MYO16: variants seen among roughly 807,000 people sequenced by gnomAD.
The protein encoded by MYO16 is unconventional myosin-XVI.
A neutral mutation model predicts 205.3 loss-of-function variants in MYO16; 94 were observed. The observed-to-expected ratio is 0.46, with a 90% CI of 0.39 to 0.54. The LOEUF is 0.54. Ranked by LOEUF, MYO16 falls within the 20% of genes least tolerant of loss-of-function variation. MYO16 has a pLI of 0.00. For missense variants in MYO16, 2,315 were observed against 2,387.5 expected, an observed-to-expected ratio of 0.97 and a Z score of 0.63; for synonymous variants, 988 against 954.0, an observed-to-expected ratio of 1.04 and a Z score of -0.66.
intron 8 of MYO16, among the ~76,000 whole-genome samples, chr13:108,822,716 G>A (rs965073315): frequency 2.6e-5 from 4 of 152,110 alleles, no homozygotes; most frequent in Non-Finnish European, 4.4e-5. Context: ...ATGTTTATAG[G>A]AGGCCAGTTA....
chr13:109,191,453 G>T (rs915669714), intron 34 of MYO16, among the ~76,000 whole-genome samples: 3 of 152,124 alleles, frequency 2.0e-5, no homozygotes, highest in South Asian at 4.1e-4. Flanking sequence ...GTTCAACAGG[G>T]TAAGCAGGGT....
chr13:109,170,399 A>C (rs1288519021), intron 33 of MYO16, among the ~76,000 whole-genome samples: 1 of 152,158 alleles, frequency 6.6e-6, no homozygotes, highest in African/African-American at 2.4e-5. Flanking sequence ...CGGAGAACGG[A>C]CTGCCACAAA....
In MYO16 at chr13:108,712,673, T is replaced by C; in HGVS notation, c.305T>C (p.Leu102Pro). ...CTGTTGTTTTCAGTGCTTCGGCTCC[T>C]GAAGGAGGGGGCAGACCCCCACACC... ...HHNDKEVLRLLKEGADPHTLV... is the reference protein window; with the variant it reads ...HHNDKEVLRLPKEGADPHTLV... Residue 102 changes from leucine to proline, a missense_variant, in exon 3 of 35, where the codon CTG (leucine) becomes CCG (proline). Transcript: ENST00000457511. 1.9e-6 allele frequency: 3 copies of C among 1,614,150 alleles called. No homozygotes were observed. Among genetic ancestry groups the C allele is most frequent in the Non-Finnish European group, 2.5e-6 (3 of 1,179,974 alleles).
intron 27 of MYO16, among the ~76,000 whole-genome samples, chr13:109,069,862 A>T (rs1305326692): frequency 6.6e-6 from 1 of 152,252 alleles, no homozygotes; most frequent in East Asian, 1.9e-4. Flanking sequence ...CATAACACTT[A>T]TCTCAATAGA....
chr13:108,548,419 G>A, the MYO16 span, among the ~76,000 whole-genome samples: 1 of 134,904 alleles, frequency 7.4e-6, no homozygotes, highest in Non-Finnish European at 1.7e-5. Flanking sequence ...GTGGTGAGGA[G>A]GATGATGATG....
chr13:108,844,303 A>G, intron 9 of MYO16, 40 bp from the exon 10 acceptor site: 1 of 1,556,922 alleles, frequency 6.4e-7, no homozygotes, highest in Non-Finnish European at 8.8e-7. Flanking sequence ...ATAAAACATT[A>G]GAAAGAGACT....
At chr13:109,149,068 T>C (rs928929534) in intron 32 of MYO16, among the ~76,000 whole-genome samples, 1 of 152,168 alleles carries the variant, frequency 6.6e-6, no homozygotes, top group Non-Finnish European at 1.5e-5. Context: ...CTTGTTAGCT[T>C]GATGACAAGG....
At chr13:108,711,529 C>T (rs933314016) in intron 2 of MYO16, among the ~76,000 whole-genome samples, 4 of 152,182 alleles carry the variant, frequency 2.6e-5, no homozygotes, top group South Asian at 2.1e-4. Context: ...AGGCCTGTCT[C>T]CCTCATCACA....
chr13:108,807,893 TA>T (rs1259925716), intron 7 of MYO16, among the ~76,000 whole-genome samples: 1 of 152,222 alleles, frequency 6.6e-6, no homozygotes, highest in Non-Finnish European at 1.5e-5. Flanking sequence ...AATTTATCAT[TA>T]TTTTCACATG....
chr13:109,024,257 G>A (rs944648540), intron 23 of MYO16, among the ~76,000 whole-genome samples: 21 of 151,380 alleles, frequency 1.4e-4, no homozygotes, highest in Admixed American at 1.3e-3. Context: ...GAATTCATAG[G>A]GAGTATTTTA....
intron 19 of MYO16, among the ~76,000 whole-genome samples, chr13:108,963,265 T>C (rs980906572): frequency 1.6e-4 from 24 of 152,242 alleles, no homozygotes; most frequent in African/African-American, 5.8e-4. Context: ...TATGGCCTTT[T>C]GGGCCTATGT....
At chr13:108,740,798 C>T (rs772153500) in intron 4 of MYO16, among the ~76,000 whole-genome samples, 8 of 152,092 alleles carry the variant, frequency 5.3e-5, no homozygotes, top group Non-Finnish European at 7.4e-5. Flanking sequence ...TCAAGCTTCC[C>T]GGCCATTTGT....
In MYO16 at chr13:109,019,782, A is replaced by T; in HGVS notation, c.2667A>T (p.Pro889=). 6.2e-7 allele frequency: 1 copy of T among 1,614,026 alleles called. No homozygotes were observed. Among genetic ancestry groups the T allele is most frequent in the African/African-American group, 1.3e-5 (1 of 75,026 alleles). The change falls in exon 23 of 35, where the codon CCA becomes CCT. Residue 889 remains proline (P), a synonymous_variant. Transcript: ENST00000457511. ...TTTGGTCAGTGGAATCAAATTTTCC[A>T]AAAAAACTACAAAGTCTCCTAGAAT... The part of the protein sequence containing the change: ...QMIWSVESNF[P]KKLQSLLESS...
chr13:108,676,968 G>C (rs897783219), intron 2 of MYO16, among the ~76,000 whole-genome samples: 1 of 152,044 alleles, frequency 6.6e-6, no homozygotes, highest in Non-Finnish European at 1.5e-5. Flanking sequence ...TTGCCAACAC[G>C]AATTCCTTGA....
chr13:109,075,182 C>T (rs1363496924), intron 27 of MYO16, among the ~76,000 whole-genome samples: 1 of 152,144 alleles, frequency 6.6e-6, no homozygotes, highest in Non-Finnish European at 1.5e-5. Flanking sequence ...TAGACATGTT[C>T]TCACTTTTTG....
In MYO16 at chr13:108,784,139, G is replaced by A. The variant is rs144401795; in HGVS notation, c.508-1496G>A. Reference sequence around the variant, plus strand: ...CCTTGACCAAAGCACTGCCGTGTTCGTTACAGGAACACAAAATCTTATTCT... The same window carrying A: ...CCTTGACCAAAGCACTGCCGTGTTCATTACAGGAACACAAAATCTTATTCT... On this transcript the variant is annotated intron_variant, in intron 4 of 34. Transcript: ENST00000457511. 9.6e-3 allele frequency among the ~76,000 whole-genome samples: 1,454 copies of A among 152,196 alleles called. 18 individuals are homozygous for A. Among genetic ancestry groups the A allele is most frequent in the African/African-American group, 0.032 (1,346 of 41,514 alleles).
chr13:109,119,209 C>A (rs1028710534), intron 28 of MYO16, among the ~76,000 whole-genome samples: 1 of 152,152 alleles, frequency 6.6e-6, no homozygotes, highest in Non-Finnish European at 1.5e-5. Context: ...AAACCTTTCC[C>A]GTACCTGATG....
At chr13:108,859,909 G>C (rs1878371922) in intron 11 of MYO16, among the ~76,000 whole-genome samples, 1 of 152,092 alleles carries the variant, frequency 6.6e-6, no homozygotes. Flanking sequence ...AAGCAAACCA[G>C]AGCAATAAAG....
intron 23 of MYO16, among the ~76,000 whole-genome samples, chr13:109,040,385 C>CACACACAGAGAGAGAGAG (rs1394314811): frequency 3.5e-5 from 4 of 113,216 alleles, no homozygotes; most frequent in African/African-American, 1.3e-4. Context: ...CACACACACA[C>CACACACAGAGAGAGAGAG]AGAGAGAGAG....
Sources: gnomAD v4.1 joint callset for allele counts (sites outside exome capture counted in the v4.1 genomes callset) on GRCh38, gnomAD v4.1.1 for gene constraint, MANE v1.5 for transcripts, NCBI Gene and HGNC (gene_info 2026-07-23, HGNC 2026-07-21) for gene names.